Variants in KCNH1 observed in about 807,000 individuals in gnomAD.
KCNH1 encodes potassium voltage-gated channel subfamily H member 1.
In KCNH1, 27 loss-of-function variants were observed where a neutral mutation model predicts 69.2. That is an observed-to-expected ratio of 0.39 (90% CI 0.29 to 0.54). KCNH1 has a LOEUF of 0.54. Ranked by LOEUF, KCNH1 falls within the 20% of genes least tolerant of loss-of-function variation. The probability of loss-of-function intolerance (pLI) is 0.68; values close to 1 mark genes in which losing one functional copy is unlikely to be tolerated. For missense variants in KCNH1, 798 were observed against 1,261.6 expected, an observed-to-expected ratio of 0.63 and a Z score of 5.57; for synonymous variants, 456 against 487.7, an observed-to-expected ratio of 0.93 and a Z score of 0.86.
intron 7 of KCNH1, among the ~76,000 whole-genome samples, chr1:210,852,367 T>G (rs1298514588): frequency 6.6e-6 from 1 of 152,178 alleles, no homozygotes; most frequent in African/African-American, 2.4e-5. Flanking sequence ...CCAAGAAAAG[T>G]AACCAAGTCC....
intron 10 of KCNH1, among the ~76,000 whole-genome samples, chr1:210,770,127 C>T (rs1038150294): frequency 1.3e-5 from 2 of 151,770 alleles, no homozygotes; most frequent in African/African-American, 4.8e-5. Flanking sequence ...CACATGTTCT[C>T]ATTCATAAGT....
chr1:210,755,492 CG>C (rs1385895951), intron 10 of KCNH1, among the ~76,000 whole-genome samples: 1 of 152,202 alleles, frequency 6.6e-6, no homozygotes, highest in Non-Finnish European at 1.5e-5. Context: ...AGCCACTCCG[CG>C]GCTACATTCA....
At position 210,788,589 on chromosome 1, in the gene KCNH1, G is replaced by A. The variant is rs73069543; in HGVS notation, c.1915+8919C>T. On this transcript the variant is annotated intron_variant, in intron 9 of 10. Coordinates refer to ENST00000271751, the MANE Select transcript of KCNH1 (RefSeq NM_172362.3). ...GAATTAGGAAAGAGAACTGGTCTCC[G>A]CCTCCACCCTCTCTCAATCAGGTAA... is the stretch of plus-strand genomic sequence containing the variant. Among the ~76,000 whole-genome samples, 85 of 151,180 alleles carry A rather than the reference G, an allele frequency of 5.6e-4. 1 individual carries two copies. The highest frequency in any genetic ancestry group is 1.9e-3 in the African/African-American group (77 of 41,180).
chr1:211,087,645 A>G (rs1037231219), intron 4 of KCNH1, among the ~76,000 whole-genome samples: 8 of 151,110 alleles, frequency 5.3e-5, no homozygotes, highest in African/African-American at 1.2e-4. Context: ...ACACGCACAC[A>G]CACACACACA....
At chr1:210,693,843 C>A (rs1022239330) in intron 10 of KCNH1, among the ~76,000 whole-genome samples, 2 of 152,148 alleles carry the variant, frequency 1.3e-5, no homozygotes, top group South Asian at 4.1e-4. Flanking sequence ...CCCTGGGAGA[C>A]GCATGCTAAC....
Position 210,919,632 on chromosome 1 carries a change from A to G in KCNH1, c.1462+8T>C. 6.8e-6 allele frequency: 11 copies of G among 1,609,198 alleles called. No individual in the cohort carries two copies. Among genetic ancestry groups the G allele is most frequent in the Non-Finnish European group, 9.3e-6 (11 of 1,176,856 alleles). On this transcript the variant is annotated splice_region_variant and intron_variant, in intron 7 of 10. Coordinates refer to ENST00000271751, the MANE Select transcript of KCNH1 (RefSeq NM_172362.3). The surrounding 1 kb of genome is among the most constrained non-coding windows in gnomAD (Gnocchi z 4.2). Reference sequence around the variant, plus strand: ...TGGCCAACCCCACCCCAGCACTGTCATACTTACAGCCAATCATCATGATGG... The same window carrying G: ...TGGCCAACCCCACCCCAGCACTGTCGTACTTACAGCCAATCATCATGATGG...
rs367736114 is a variant in KCNH1, at chr1:211,113,571, G to T, written c.80-6194C>A. 1.4e-4 allele frequency among the ~76,000 whole-genome samples: 21 copies of T among 152,286 alleles called. No homozygotes were observed. In the East Asian group the frequency reaches 2.9e-3, roughly 21 times the overall value. Reference sequence around the variant, plus strand: ...ATACAATGGAAGAGGAGAAGGAACAGGGGAGAAGAGGGTAAACTTTGTGCC... The same window carrying T: ...ATACAATGGAAGAGGAGAAGGAACATGGGAGAAGAGGGTAAACTTTGTGCC... On this transcript the variant is annotated intron_variant, in intron 1 of 10. Coordinates refer to ENST00000271751, the MANE Select transcript of KCNH1 (RefSeq NM_172362.3).
At chr1:211,126,635 A>G (rs534977680) in intron 1 of KCNH1, among the ~76,000 whole-genome samples, 2 of 150,480 alleles carry the variant, frequency 1.3e-5, no homozygotes, top group South Asian at 4.2e-4. Context: ...GTGAGCTGAC[A>G]TCGCACCACT....
intron 5 of KCNH1, among the ~76,000 whole-genome samples, chr1:211,053,469 C>A (rs956673257): frequency 6.6e-6 from 1 of 152,084 alleles, no homozygotes; most frequent in African/African-American, 2.4e-5. Context: ...CCTGCTGGAG[C>A]GACAAGGAGC....
At chr1:210,687,749 C>T (rs1056217238) in intron 10 of KCNH1, among the ~76,000 whole-genome samples, 2 of 152,154 alleles carry the variant, frequency 1.3e-5, no homozygotes, top group Admixed American at 6.5e-5. Flanking sequence ...CATGACCACG[C>T]ATTTTGCCAA....
Position 210,680,870 on chromosome 1 carries a change from A to G in KCNH1, c.*2411T>C, listed in dbSNP as rs940604405. 1 of 152,064 alleles carries G rather than the reference A, an allele frequency of 6.6e-6. No homozygotes were observed. The highest frequency in any genetic ancestry group is 2.1e-4 in the South Asian group (1 of 4,818). The allele number at this position is 152,064 out of a possible 1,614,324, so 9.4% of individuals were successfully genotyped here. On this transcript the variant is annotated 3_prime_UTR_variant, in exon 11 of 11. Transcript: ENST00000271751. Reference sequence around the variant, plus strand: ...TCCTAAAGCTACATTCCCCCCAAGAACATGTCTGGACTTCAAAGCCTTATA... The same window carrying G: ...TCCTAAAGCTACATTCCCCCCAAGAGCATGTCTGGACTTCAAAGCCTTATA...
At chr1:210,777,073 T>C (rs1683875147) in intron 9 of KCNH1, among the ~76,000 whole-genome samples, 1 of 152,210 alleles carries the variant, frequency 6.6e-6, no homozygotes, top group African/African-American at 2.4e-5. Context: ...GTTGTCAGCC[T>C]GTACATCCAG....
intron 6 of KCNH1, among the ~76,000 whole-genome samples, chr1:210,971,545 C>T (rs1465814632): frequency 2.6e-5 from 4 of 152,096 alleles, no homozygotes; most frequent in African/African-American, 7.2e-5. Context: ...TTACTATTAT[C>T]GATGCTTTCA....
At chr1:210,684,213 T>C in intron 10 of KCNH1, 75 bp from the exon 11 acceptor site, 1 of 1,426,288 alleles carries the variant, frequency 7.0e-7, no homozygotes, top group Non-Finnish European at 9.2e-7. Flanking sequence ...TCAGCCCTTC[T>C]GCCTATCTTG....
intron 6 of KCNH1, among the ~76,000 whole-genome samples, chr1:210,923,102 G>A (rs1183990793): frequency 6.6e-6 from 1 of 152,166 alleles, no homozygotes; most frequent in African/African-American, 2.4e-5. Context: ...GTTCACTATT[G>A]TATCTCCACC....
intron 10 of KCNH1, among the ~76,000 whole-genome samples, chr1:210,713,032 G>A (rs1436409656): frequency 6.6e-6 from 1 of 152,132 alleles, no homozygotes. Context: ...GGGTGCTATT[G>A]TGCAGGCAAT....
intron 10 of KCNH1, among the ~76,000 whole-genome samples, chr1:210,746,923 AGAGG>A (rs1476751906): frequency 1.3e-5 from 2 of 152,172 alleles, no homozygotes; most frequent in African/African-American, 2.4e-5. Flanking sequence ...AGAATGGGAC[AGAGG>A]AAGGGGGAAA....
intron 7 of KCNH1, among the ~76,000 whole-genome samples, chr1:210,916,806 C>A (rs1687340885): frequency 6.6e-6 from 1 of 152,190 alleles, no homozygotes; most frequent in African/African-American, 2.4e-5. Context: ...AAACATTGTC[C>A]TTGGCTACAT....
chr1:210,800,948 CA>C (rs1684415452), intron 8 of KCNH1, among the ~76,000 whole-genome samples: 1 of 152,228 alleles, frequency 6.6e-6, no homozygotes. Flanking sequence ...CTCCTCTCCC[CA>C]TGTCTTCATT....
Sources: gnomAD v4.1 joint callset for allele counts (sites outside exome capture counted in the v4.1 genomes callset) on GRCh38, gnomAD v4.1.1 for gene constraint, Gnocchi (gnomAD v3.1) non-coding constraint, MANE v1.5 for transcripts, NCBI Gene and HGNC (gene_info 2026-07-23, HGNC 2026-07-21) for gene names.